The following MPPED2 variants were observed in gnomAD, a reference collection of about 807,000 sequenced individuals.
The protein encoded by MPPED2 is metallophosphoesterase domain containing 2, also known as metallophosphoesterase MPPED2.
In MPPED2, 5 loss-of-function variants were observed where a neutral mutation model predicts 33.0. That is an observed-to-expected ratio of 0.15 (90% CI 0.08 to 0.32). The LOEUF (loss-of-function observed/expected upper bound fraction) is 0.32. Ranked by LOEUF, MPPED2 falls within the 10% of genes least tolerant of loss-of-function variation. MPPED2 has a pLI of 1.00. For missense variants in MPPED2, 275 were observed against 372.1 expected (o/e 0.74, Z 2.15); for synonymous variants, 136 against 141.9 (o/e 0.96, Z 0.29).
At chr11:30,417,767 G>C (rs1590192264) in intron 4 of MPPED2, 134 bp from the exon 5 acceptor site, 1 of 610,772 alleles carries the variant, frequency 1.6e-6, no homozygotes, top group East Asian at 2.9e-5. Flanking sequence ...CCTGGCAGCA[G>C]GATGCTTTTT....
chr11:30,411,613 T>C (rs1202550969), intron 6 of MPPED2, 27 bp from the exon 7 acceptor site: 3 of 1,602,378 alleles, frequency 1.9e-6, no homozygotes, highest in Admixed American at 3.3e-5. Flanking sequence ...TCACATTTAC[T>C]GTAATATATA....
chr11:30,512,663 T>C (rs888445063), intron 3 of MPPED2, among the ~76,000 whole-genome samples: 7 of 152,116 alleles, frequency 4.6e-5, no homozygotes, highest in Non-Finnish European at 1.0e-4. Flanking sequence ...TTTAGGCCAG[T>C]AGTTCCCAAA....
chr11:30,425,954 CTT>C (rs1948819674), intron 4 of MPPED2, among the ~76,000 whole-genome samples: 1 of 152,106 alleles, frequency 6.6e-6, no homozygotes, highest in African/African-American at 2.4e-5. Context: ...TCATGGCAGT[CTT>C]TTTATTGTGG....
intron 3 of MPPED2, among the ~76,000 whole-genome samples, chr11:30,522,939 T>A (rs564339357): frequency 1.3e-5 from 2 of 152,308 alleles, no homozygotes; most frequent in South Asian, 4.1e-4. Context: ...ATTATAAATT[T>A]AAAATAACTG....
At chr11:30,461,799 A>G (rs1243182572) in intron 4 of MPPED2, among the ~76,000 whole-genome samples, 1 of 152,208 alleles carries the variant, frequency 6.6e-6, no homozygotes, top group Non-Finnish European at 1.5e-5. Flanking sequence ...TCATCCTGAC[A>G]ATTTTATCTC....
intron 2 of MPPED2, among the ~76,000 whole-genome samples, chr11:30,560,540 C>T (rs999240793): frequency 6.6e-6 from 1 of 152,104 alleles, no homozygotes; most frequent in Admixed American, 6.6e-5. Flanking sequence ...AGGACATGAA[C>T]AAGTATTTCT....
chr11:30,581,816 A>T (rs1957182455), intron 1 of MPPED2, among the ~76,000 whole-genome samples: 1 of 152,080 alleles, frequency 6.6e-6, no homozygotes, highest in Admixed American at 6.5e-5. Flanking sequence ...GCTAAATAAC[A>T]CCCACCTTGC....
At chr11:30,577,453 C>T (rs534603215) in intron 2 of MPPED2, among the ~76,000 whole-genome samples, 7 of 152,268 alleles carry the variant, frequency 4.6e-5, no homozygotes, top group South Asian at 2.1e-4. Context: ...TGAGCAACTA[C>T]GCAAGTGGAA....
intron 2 of MPPED2, among the ~76,000 whole-genome samples, chr11:30,539,081 T>C (rs1954963291): frequency 6.6e-6 from 1 of 152,070 alleles, no homozygotes; most frequent in Non-Finnish European, 1.5e-5. Context: ...TGGAGATAAT[T>C]AAAACTGAGA....
chr11:30,568,442 T>C (rs1001947296), intron 2 of MPPED2, among the ~76,000 whole-genome samples: 2 of 152,198 alleles, frequency 1.3e-5, no homozygotes, highest in Non-Finnish European at 2.9e-5. Flanking sequence ...CCATGGTTCC[T>C]GCAGCCTGTG....
chr11:30,557,012 T>C (rs973657095), intron 2 of MPPED2, among the ~76,000 whole-genome samples: 10 of 151,942 alleles, frequency 6.6e-5, no homozygotes, highest in Non-Finnish European at 1.2e-4. Context: ...GGGTTAGTTT[T>C]ACACTCTAGG....
At chr11:30,393,905 T>G (rs1390038189) in intron 6 of MPPED2, among the ~76,000 whole-genome samples, 1 of 152,198 alleles carries the variant, frequency 6.6e-6, no homozygotes, top group Non-Finnish European at 1.5e-5. Flanking sequence ...CAAAACAATT[T>G]TGTCAGCCCC....
intron 2 of MPPED2, among the ~76,000 whole-genome samples, chr11:30,573,647 T>C (rs765072292): frequency 2.6e-5 from 4 of 152,196 alleles, no homozygotes; most frequent in African/African-American, 4.8e-5. Flanking sequence ...TGTGTGTTCA[T>C]GTCTTAGTTT....
At chr11:30,420,086 T>C (rs943491642) in intron 4 of MPPED2, among the ~76,000 whole-genome samples, 3 of 152,204 alleles carry the variant, frequency 2.0e-5, no homozygotes, top group African/African-American at 7.2e-5. Context: ...AACCTGTGAA[T>C]GTTACTGTAC....
chr11:30,424,587 G>A (rs1203293719), intron 4 of MPPED2, among the ~76,000 whole-genome samples: 1 of 152,042 alleles, frequency 6.6e-6, no homozygotes, highest in East Asian at 1.9e-4. Context: ...AAGCTTCCCC[G>A]TCAGTTAGAA....
chr11:30,434,750 G>A lies in MPPED2; in HGVS notation c.537-17117C>T, dbSNP rs373195186. Among the ~76,000 whole-genome samples, 19 of 152,236 alleles carry A rather than the reference G, an allele frequency of 1.2e-4. No homozygotes were observed. In the East Asian group the frequency reaches 1.4e-3, roughly 11 times the overall value. ...AGCTCTCAGTAAGTGATACCTTTCCGTTTTGTTGCTATTCACCATCACTGA... is the reference window on the plus strand; with the variant it reads ...AGCTCTCAGTAAGTGATACCTTTCCATTTTGTTGCTATTCACCATCACTGA... On this transcript the variant is annotated intron_variant, in intron 4 of 6. Coordinates refer to ENST00000358117, the MANE Select transcript of MPPED2 (RefSeq NM_001584.3).
At chr11:30,418,922 TG>T (rs1447003611) in intron 4 of MPPED2, among the ~76,000 whole-genome samples, 4 of 152,152 alleles carry the variant, frequency 2.6e-5, no homozygotes, top group African/African-American at 9.7e-5. Flanking sequence ...CAAAAATCTG[TG>T]GCATACGTGC....
chr11:30,561,734 C>T (rs968786640), intron 2 of MPPED2, among the ~76,000 whole-genome samples: 1 of 152,164 alleles, frequency 6.6e-6, no homozygotes, highest in Non-Finnish European at 1.5e-5. Context: ...AGGAAAATTG[C>T]CTGTGGCTAA....
At chr11:30,560,811 T>C (rs947188455) in intron 2 of MPPED2, among the ~76,000 whole-genome samples, 4 of 152,180 alleles carry the variant, frequency 2.6e-5, no homozygotes, top group Non-Finnish European at 5.9e-5. Flanking sequence ...TGCTTATTTA[T>C]AGAGCAGGCC....
Sources: allele counts gnomAD v4.1 joint callset (sites outside exome capture counted in the v4.1 genomes callset), GRCh38; gene constraint gnomAD v4.1.1; transcripts MANE v1.5; gene names NCBI Gene and HGNC (gene_info 2026-07-23, HGNC 2026-07-21).